The following PCDH7 variants were observed in gnomAD, a reference collection of about 807,000 sequenced individuals.
PCDH7 encodes protocadherin-7.
A neutral mutation model predicts 58.9 loss-of-function variants in PCDH7; 17 were observed. The observed-to-expected ratio is 0.29, with a 90% CI of 0.20 to 0.43. The LOEUF (loss-of-function observed/expected upper bound fraction) is 0.43, where lower values mean the gene tolerates loss of function less well. Ranked by LOEUF, PCDH7 falls within the 20% of genes least tolerant of loss-of-function variation. The probability of loss-of-function intolerance (pLI) is 1.00; values close to 1 mark genes in which losing one functional copy is unlikely to be tolerated. For synonymous variants in PCDH7, 664 were observed against 616.4 expected (o/e 1.08, Z -1.14); for missense variants, 1,274 against 1,441.0 (o/e 0.88, Z 1.88).
At chr4:30,752,811 AAG>A (rs1718743903) in intron 1 of PCDH7, among the ~76,000 whole-genome samples, 1 of 150,854 alleles carries the variant, frequency 6.6e-6, no homozygotes, top group African/African-American at 2.4e-5. Flanking sequence ...AAGAAAGAAA[AAG>A]AAAAAAAAGA....
chr4:30,955,511 A>G (rs532570209), intron 3 of PCDH7, among the ~76,000 whole-genome samples: 1 of 150,726 alleles, frequency 6.6e-6, no homozygotes, highest in South Asian at 2.1e-4. Context: ...ATTTTATTTT[A>G]TTTTATTTTA....
chr4:30,973,818 T>A (rs1749812155), intron 3 of PCDH7, among the ~76,000 whole-genome samples: 1 of 151,912 alleles, frequency 6.6e-6, no homozygotes, highest in Non-Finnish European at 1.5e-5. Flanking sequence ...CGAGAAAAAT[T>A]ACCCAAATGG....
intron 3 of PCDH7, among the ~76,000 whole-genome samples, chr4:30,994,772 A>G (rs903865514): frequency 6.6e-6 from 1 of 152,126 alleles, no homozygotes; most frequent in African/African-American, 2.4e-5. Flanking sequence ...ACAATATTAA[A>G]CTTATAGTTT....
chr4:31,008,884 C>T (rs908165145), intron 3 of PCDH7, among the ~76,000 whole-genome samples: 1 of 151,680 alleles, frequency 6.6e-6, no homozygotes, highest in Non-Finnish European at 1.5e-5. Flanking sequence ...TCTTTTTTTT[C>T]CACTGTGTTC....
At chr4:30,893,507 T>C (rs936000308) in intron 1 of PCDH7, among the ~76,000 whole-genome samples, 1 of 152,126 alleles carries the variant, frequency 6.6e-6, no homozygotes, top group African/African-American at 2.4e-5. Flanking sequence ...AACTCACTTA[T>C]GGCTATTACC....
chr4:31,056,432 AAG>A (rs1757179891), intron 3 of PCDH7, among the ~76,000 whole-genome samples: 3 of 104,730 alleles, frequency 2.9e-5, no homozygotes, highest in African/African-American at 1.8e-4. Flanking sequence ...AGGAAAGAAA[AAG>A]AAAGAAGGAA....
At chr4:31,107,918 A>T (rs994667180) in intron 3 of PCDH7, among the ~76,000 whole-genome samples, 2 of 152,152 alleles carry the variant, frequency 1.3e-5, no homozygotes, top group African/African-American at 4.8e-5. Flanking sequence ...TATTTTTATT[A>T]GTAGTTGTTA....
chr4:30,900,079 T>C (rs954297475), intron 1 of PCDH7, among the ~76,000 whole-genome samples: 7 of 152,128 alleles, frequency 4.6e-5, no homozygotes, highest in Non-Finnish European at 8.8e-5. Flanking sequence ...TTGAACAGTT[T>C]CCCAAGAGAT....
At chr4:31,136,318 T>C (rs1209972076) in intron 3 of PCDH7, among the ~76,000 whole-genome samples, 1 of 152,178 alleles carries the variant, frequency 6.6e-6, no homozygotes. Context: ...GGTATTATTA[T>C]CTCACATATA....
chr4:30,963,006 C>G (rs895949702), intron 3 of PCDH7, among the ~76,000 whole-genome samples: 2 of 152,042 alleles, frequency 1.3e-5, no homozygotes, highest in Non-Finnish European at 2.9e-5. Context: ...ATTTGCCAAT[C>G]AGAGGAAGTG....
chr4:30,989,634 T>G (rs1417719699), intron 3 of PCDH7, among the ~76,000 whole-genome samples: 1 of 152,200 alleles, frequency 6.6e-6, no homozygotes, highest in Non-Finnish European at 1.5e-5. Flanking sequence ...CCTCTCCTTT[T>G]GCCTACTTTT....
intron 1 of PCDH7, among the ~76,000 whole-genome samples, chr4:30,874,597 G>A (rs1435067847): frequency 6.6e-6 from 1 of 151,486 alleles, no homozygotes; most frequent in Non-Finnish European, 1.5e-5. Context: ...GCTAAATGAC[G>A]AGTTAATGGC....
intron 3 of PCDH7, among the ~76,000 whole-genome samples, chr4:31,002,274 A>G (rs1286396507): frequency 6.6e-6 from 1 of 152,224 alleles, no homozygotes; most frequent in Non-Finnish European, 1.5e-5. Context: ...ATAAGCACTC[A>G]GGCACCATGG....
At chr4:30,949,872 C>T (rs1747168833) in intron 2 of PCDH7, among the ~76,000 whole-genome samples, 2 of 148,136 alleles carry the variant, frequency 1.4e-5, no homozygotes, top group Non-Finnish European at 1.5e-5. Flanking sequence ...AATGGTGGCT[C>T]ATTTTGTAGC....
At chr4:31,077,247 C>T (rs1009990667) in intron 3 of PCDH7, among the ~76,000 whole-genome samples, 1 of 151,596 alleles carries the variant, frequency 6.6e-6, no homozygotes, top group African/African-American at 2.4e-5. Flanking sequence ...CCCATTTCTA[C>T]TAAAAATACA....
intron 3 of PCDH7, among the ~76,000 whole-genome samples, chr4:31,081,580 A>G (rs1217054513): frequency 6.6e-6 from 1 of 152,086 alleles, no homozygotes; most frequent in Non-Finnish European, 1.5e-5. Context: ...ATATTGCAAC[A>G]TTATTAGTTT....
chr4:30,760,662 G>A (rs757420011), intron 1 of PCDH7, among the ~76,000 whole-genome samples: 6 of 152,004 alleles, frequency 3.9e-5, no homozygotes, highest in Non-Finnish European at 8.8e-5. Context: ...CTCTTCAAGG[G>A]GAACTACAAA....
chr4:30,835,794 C>T (rs1403036860), intron 1 of PCDH7, among the ~76,000 whole-genome samples: 3 of 152,034 alleles, frequency 2.0e-5, no homozygotes, highest in East Asian at 3.9e-4. Flanking sequence ...CTAAATGGAT[C>T]CATAAATATG....
intron 1 of PCDH7, among the ~76,000 whole-genome samples, chr4:30,911,187 A>G (rs1259306257): frequency 2.0e-5 from 3 of 152,064 alleles, no homozygotes; most frequent in Non-Finnish European, 4.4e-5. Context: ...GAGGGAGAGC[A>G]TTAGGAGAAA....
Sources: allele counts gnomAD v4.1 joint callset (sites outside exome capture counted in the v4.1 genomes callset), GRCh38; gene constraint gnomAD v4.1.1; transcripts MANE v1.5; gene names NCBI Gene and HGNC (gene_info 2026-07-23, HGNC 2026-07-21).